Variants in IFT74 observed in about 807,000 individuals in gnomAD.
The protein encoded by IFT74 is intraflagellar transport protein 74 homolog.
In IFT74, 92 loss-of-function variants were observed where a neutral mutation model predicts 96.7. The ratio of observed to expected loss-of-function variants is 0.95; its 90% CI spans 0.80 to 1.13. IFT74 has a LOEUF of 1.13. Ranked by LOEUF, IFT74 falls within the 50% of genes most tolerant of loss-of-function variation. IFT74 has a pLI of 0.00. For missense variants in IFT74, 811 were observed against 698.2 expected (o/e 1.16, Z -1.82); for synonymous variants, 223 against 213.2 (o/e 1.05, Z -0.40).
At chr9:27,048,471 C>T (rs1819791187) in intron 16 of IFT74, among the ~76,000 whole-genome samples, 197 bp downstream of exon 16, 2 of 152,126 alleles carry the variant, frequency 1.3e-5, no homozygotes, top group Non-Finnish European at 2.9e-5. Context: ...TTATTGAATA[C>T]TTATTTCAAG....
intron 12 of IFT74, among the ~76,000 whole-genome samples, chr9:27,023,252 T>C (rs548068704): frequency 2.6e-5 from 4 of 152,304 alleles, no homozygotes; most frequent in Non-Finnish European, 5.9e-5. Context: ...TTAGGGGGAA[T>C]GCTTTCAACT....
At chr9:26,960,212 C>T (rs1399014775) in intron 1 of IFT74, among the ~76,000 whole-genome samples, 1 of 151,778 alleles carries the variant, frequency 6.6e-6, no homozygotes, top group African/African-American at 2.4e-5. Flanking sequence ...TCTTTGCTTT[C>T]TGGGCCTTAA....
chr9:26,966,094 A>G (rs1263648653), intron 2 of IFT74, among the ~76,000 whole-genome samples: 4 of 151,932 alleles, frequency 2.6e-5, no homozygotes, highest in Non-Finnish European at 5.9e-5. Context: ...ATTGATGGAC[A>G]GTCAGGTTTT....
chr9:26,960,337 A>T (rs1259820249), intron 1 of IFT74, among the ~76,000 whole-genome samples: 2 of 152,134 alleles, frequency 1.3e-5, no homozygotes, highest in Non-Finnish European at 1.5e-5. Context: ...TGTCTAGATA[A>T]GTATCTTCAT....
chr9:27,003,936 A>G (rs1450078824), intron 8 of IFT74, among the ~76,000 whole-genome samples: 1 of 152,212 alleles, frequency 6.6e-6, no homozygotes, highest in Non-Finnish European at 1.5e-5. Context: ...GGCTTGTTTC[A>G]GTATTTCTCA....
In IFT74 at chr9:27,012,748, G is replaced by A. The variant is rs1163067595; in HGVS notation, c.789+780G>A. ...TTTTTTTTTTTTTAGACAGAGTATC[G>A]CTCTGTTGCCCAGGCTGGAGTGCAG... On this transcript the variant is annotated intron_variant, in intron 10 of 19. Coordinates refer to ENST00000380062, the MANE Select transcript of IFT74 (RefSeq NM_025103.4). 6.4e-5 allele frequency among the ~76,000 whole-genome samples: 7 copies of A among 109,532 alleles called. No homozygotes were observed. The Admixed American group carries it at 6.9e-4, about 11-fold the overall frequency. The allele number at this position is 109,532 out of a possible 152,430, so 71.9% of individuals were successfully genotyped here.
intron 13 of IFT74, among the ~76,000 whole-genome samples, chr9:27,038,485 G>T (rs1819308249): frequency 6.6e-6 from 1 of 152,048 alleles, no homozygotes; most frequent in Non-Finnish European, 1.5e-5. Context: ...TGCTCTCTTG[G>T]CCAGGCTGGT....
chr9:26,951,577 C>T (rs564703451), upstream of IFT74, among the ~76,000 whole-genome samples: 2 of 152,160 alleles, frequency 1.3e-5, no homozygotes, highest in African/African-American at 4.8e-5. Flanking sequence ...AAAACAAAGT[C>T]CATATATATA....
intron 8 of IFT74, chr9:26,994,608 A>G (rs1279572703): frequency 1.3e-5 from 2 of 152,350 alleles, no homozygotes; most frequent in Non-Finnish European, 2.9e-5. Context: ...TCCTGTAGTA[A>G]TTTGACCATG....
intron 13 of IFT74, among the ~76,000 whole-genome samples, chr9:27,041,628 C>T (rs1273340333): frequency 6.6e-6 from 1 of 152,168 alleles, no homozygotes; most frequent in Non-Finnish European, 1.5e-5. Context: ...TGCTTACTTG[C>T]TGGTACCTCC....
intron 9 of IFT74, among the ~76,000 whole-genome samples, chr9:27,010,472 C>T (rs192157022): frequency 6.6e-6 from 1 of 150,580 alleles, no homozygotes; most frequent in East Asian, 2.0e-4. Flanking sequence ...CATTCTACTA[C>T]CCCCTTTTTT....
intron 12 of IFT74, 45 bp from the exon 13 acceptor site, chr9:27,028,980 A>G: frequency 6.7e-7 from 1 of 1,487,340 alleles, no homozygotes; most frequent in Non-Finnish European, 9.2e-7. Context: ...TTTTTATTGA[A>G]TGTCTATATT....
intron 2 of IFT74, among the ~76,000 whole-genome samples, chr9:26,962,926 A>AT (rs370313745): frequency 0.067 from 9,194 of 136,512 alleles, 333 homozygotes; most frequent in Middle Eastern, 0.15. Flanking sequence ...AACTTTACTA[A>AT]TTTTTTTTTT....
At chr9:26,968,077 T>TAA (rs1826705155) in intron 2 of IFT74, among the ~76,000 whole-genome samples, 1 of 150,894 alleles carries the variant, frequency 6.6e-6, no homozygotes, top group Admixed American at 6.6e-5. Flanking sequence ...TTTTTTTTTT[T>TAA]TTTTTTAATC....
chr9:27,046,028 C>T (rs1405486689), intron 14 of IFT74, among the ~76,000 whole-genome samples: 1 of 152,078 alleles, frequency 6.6e-6, no homozygotes, highest in African/African-American at 2.4e-5. Flanking sequence ...AATTCCTATA[C>T]TACAGAATCT....
chr9:26,956,408 C>G (rs899770072), upstream of IFT74: 45 of 152,246 alleles, frequency 3.0e-4, no homozygotes, highest in African/African-American at 1.0e-3. Context: ...CCGCGGCGCA[C>G]GGCAGTTAGT....
intron 16 of IFT74, among the ~76,000 whole-genome samples, chr9:27,051,298 A>G (rs1819910017): frequency 6.6e-6 from 1 of 152,120 alleles, no homozygotes. Flanking sequence ...AGCCTATTTT[A>G]TATCCAGATT....
At chr9:26,969,651 C>A (rs1006007464) in intron 2 of IFT74, among the ~76,000 whole-genome samples, 6 of 151,806 alleles carry the variant, frequency 4.0e-5, no homozygotes, top group African/African-American at 1.5e-4. Context: ...ATGTTTCTTT[C>A]TTTTTCTCTG....
chr9:27,016,940 G>A lies in IFT74; in HGVS notation c.823G>A (p.Val275Ile), dbSNP rs1419399851. 1.2e-6 allele frequency: 2 copies of A among 1,609,110 alleles called. No individual in the cohort carries two copies. Among genetic ancestry groups the A allele is most frequent in the Non-Finnish European group, 1.7e-6 (2 of 1,177,504 alleles). The stretch of plus-strand genomic sequence containing the variant: ...TCACTCCCAGGTGAAACAGGAGGCG[G>A]TATTGCTGCATGAAAAACTTTATGA... ...IAHSQVKQEA[V>I]LLHEKLYELE... Residue 275 changes from valine to isoleucine, a missense_variant, in exon 11 of 20, where the codon GTA (valine) becomes ATA (isoleucine). Coordinates refer to ENST00000380062, the MANE Select transcript of IFT74 (RefSeq NM_025103.4).
Sources: allele counts gnomAD v4.1 joint callset (sites outside exome capture counted in the v4.1 genomes callset), GRCh38; gene constraint gnomAD v4.1.1; transcripts MANE v1.5; gene names NCBI Gene and HGNC (gene_info 2026-07-23, HGNC 2026-07-21).